ABI2: variants seen among roughly 807,000 people sequenced by gnomAD.
ABI2 encodes abelson interactor 2.
ABI2 carries 25 observed loss-of-function variants against 59.2 expected under a neutral mutation model. The observed-to-expected ratio is 0.42, with a 90% CI of 0.31 to 0.59. ABI2 has a LOEUF of 0.59. ABI2 is among the 20% of genes least tolerant of loss of function. The pLI is 0.14. For synonymous variants in ABI2, 213 were observed against 235.5 expected, an observed-to-expected ratio of 0.90 and a Z score of 0.87; for missense variants, 545 against 681.8, an observed-to-expected ratio of 0.80 and a Z score of 2.23.
At chr2:203,407,382 A>G (rs1042857781) in intron 9 of ABI2, among the ~76,000 whole-genome samples, 1 of 152,242 alleles carries the variant, frequency 6.6e-6, no homozygotes, top group African/African-American at 2.4e-5. Flanking sequence ...TGTGATGTTC[A>G]GTAATGACTT....
chr2:203,367,854 A>G (rs1577309155), intron 2 of ABI2, among the ~76,000 whole-genome samples: 1 of 151,936 alleles, frequency 6.6e-6, no homozygotes, highest in Admixed American at 6.6e-5. Context: ...AAATACAAAA[A>G]TTAGCCAGGT....
chr2:203,347,224 G>C (rs1341165585), intron 1 of ABI2, among the ~76,000 whole-genome samples: 1 of 152,166 alleles, frequency 6.6e-6, no homozygotes, highest in East Asian at 1.9e-4. Flanking sequence ...CCATAGAAGT[G>C]AGTTGAGTAA....
At position 203,349,554 on chromosome 2, in the gene ABI2, G is replaced by A. The variant is rs141997118; in HGVS notation, c.118-17323G>A. ...CAAGTAGCTGGAATTACAGGCACAT[G>A]CCACCATGCCTGGCTAATTTTTGTA... On this transcript the variant is annotated intron_variant, in intron 1 of 11. Coordinates refer to ENST00000261018, the MANE Select transcript of ABI2 (RefSeq NM_001375670.1). Among the ~76,000 whole-genome samples, 17 of 152,188 alleles carry A rather than the reference G, an allele frequency of 1.1e-4. No homozygotes were observed. In the East Asian group the frequency reaches 3.1e-3, roughly 28 times the overall value.
At chr2:203,347,283 T>C (rs773816024) in intron 1 of ABI2, among the ~76,000 whole-genome samples, 9 of 152,236 alleles carry the variant, frequency 5.9e-5, no homozygotes, top group Non-Finnish European at 1.2e-4. Flanking sequence ...GATGATATCC[T>C]GACTCCCAGT....
chr2:203,380,718 G>A (rs984179237), intron 3 of ABI2, among the ~76,000 whole-genome samples: 2 of 152,124 alleles, frequency 1.3e-5, no homozygotes, highest in Non-Finnish European at 2.9e-5. Context: ...TATTATGAAA[G>A]TGTTTACCTT....
At chr2:203,363,616 A>G (rs574124337) in intron 1 of ABI2, among the ~76,000 whole-genome samples, 5 of 152,268 alleles carry the variant, frequency 3.3e-5, no homozygotes, top group South Asian at 4.2e-4. Flanking sequence ...ACTCCCACAA[A>G]TAAGTGAGAA....
chr2:203,338,943 T>TATATATAAATATAA (rs2077925220), intron 1 of ABI2, among the ~76,000 whole-genome samples: 1 of 13,452 alleles, frequency 7.4e-5, no homozygotes, highest in African/African-American at 3.0e-4. Context: ...TGTATATATA[T>TATATATAAATATAA]ATATATATAT....
intron 9 of ABI2, among the ~76,000 whole-genome samples, chr2:203,407,517 A>G (rs979585623): frequency 6.6e-6 from 1 of 152,240 alleles, no homozygotes; most frequent in African/African-American, 2.4e-5. Flanking sequence ...TCTAAAATAC[A>G]AGCTTCATTG....
intron 1 of ABI2, among the ~76,000 whole-genome samples, chr2:203,346,997 A>G (rs769932256): frequency 9.2e-5 from 14 of 152,156 alleles, no homozygotes; most frequent in Non-Finnish European, 1.3e-4. Context: ...TTAATTTTGT[A>G]TAGTTTTTCT....
chr2:203,425,116 AAATG>A (rs2098387117), intron 11 of ABI2, among the ~76,000 whole-genome samples: 2 of 151,950 alleles, frequency 1.3e-5, no homozygotes, highest in South Asian at 4.2e-4. Context: ...TTAAAGAAGA[AAATG>A]AATGTAGATA....
intron 5 of ABI2, among the ~76,000 whole-genome samples, chr2:203,391,468 A>C (rs187612495): frequency 5.3e-4 from 80 of 152,278 alleles, no homozygotes; most frequent in African/African-American, 1.9e-3. Flanking sequence ...TTTAACTCCA[A>C]CTATCCTTTT....
intron 4 of ABI2, among the ~76,000 whole-genome samples, chr2:203,385,693 A>T (rs573576170): frequency 1.2e-4 from 19 of 152,318 alleles, no homozygotes; most frequent in African/African-American, 4.3e-4. Context: ...CAGCACCTGG[A>T]GGAAAACCTT....
chr2:203,336,677 GT>G (rs1057026438), intron 1 of ABI2, among the ~76,000 whole-genome samples: 5 of 152,120 alleles, frequency 3.3e-5, no homozygotes, highest in African/African-American at 1.2e-4. Flanking sequence ...TTTTGTTTTA[GT>G]ATTGCTTTAC....
At chr2:203,410,696 G>A (rs2097633087) in intron 9 of ABI2, among the ~76,000 whole-genome samples, 1 of 152,154 alleles carries the variant, frequency 6.6e-6, no homozygotes, top group Non-Finnish European at 1.5e-5. Flanking sequence ...CCTAGCAGGT[G>A]TTTGCCACTT....
intron 8 of ABI2, among the ~76,000 whole-genome samples, chr2:203,398,009 A>G (rs1489659762): frequency 6.6e-6 from 1 of 152,246 alleles, no homozygotes; most frequent in Non-Finnish European, 1.5e-5. Context: ...GGGCAGGGAC[A>G]CAGATTCAAA....
At chr2:203,395,200 G>C in intron 6 of ABI2, 1 of 615,522 alleles carries the variant, frequency 1.6e-6, no homozygotes, top group Non-Finnish European at 2.9e-6. Context: ...TAGTACATCA[G>C]AGTATGATTA....
At chr2:203,378,346 T>C (rs747791367) in intron 2 of ABI2, among the ~76,000 whole-genome samples, 73 of 152,240 alleles carry the variant, frequency 4.8e-4, no homozygotes, top group South Asian at 1.7e-3. Context: ...CTCCGGACTT[T>C]GTGATCCGCC....
At chr2:203,378,625 AT>A (rs2095878654) in intron 2 of ABI2, among the ~76,000 whole-genome samples, 1 of 152,126 alleles carries the variant, frequency 6.6e-6, no homozygotes, top group Admixed American at 6.6e-5. Flanking sequence ...CAGTGTTCAG[AT>A]TTCTTAAAGC....
intron 1 of ABI2, among the ~76,000 whole-genome samples, chr2:203,333,215 A>C (rs1162083875): frequency 6.6e-6 from 1 of 152,220 alleles, no homozygotes; most frequent in Non-Finnish European, 1.5e-5. Flanking sequence ...GGAGAATACA[A>C]GTAGGTATTA....
Sources: gnomAD v4.1 joint callset for allele counts (sites outside exome capture counted in the v4.1 genomes callset) on GRCh38, gnomAD v4.1.1 for gene constraint, MANE v1.5 for transcripts, NCBI Gene and HGNC (gene_info 2026-07-23, HGNC 2026-07-21) for gene names.